Variants in SLC2A11 observed in about 807,000 individuals in gnomAD.
The protein encoded by SLC2A11 is solute carrier family 2, facilitated glucose transporter member 11.
A neutral mutation model predicts 52.1 loss-of-function variants in SLC2A11; 43 were observed. That is an observed-to-expected ratio of 0.82 (90% CI 0.65 to 1.06). The LOEUF (loss-of-function observed/expected upper bound fraction) is 1.06, where lower values mean the gene tolerates loss of function less well. SLC2A11 is among the 50% of genes least tolerant of loss of function. The pLI, the probability that SLC2A11 is intolerant of heterozygous loss-of-function variation, is 0.00. For synonymous variants in SLC2A11, 261 were observed against 277.6 expected (o/e 0.94, Z 0.59); for missense variants, 582 against 654.2 (o/e 0.89, Z 1.20).
intron 5 of SLC2A11, chr22:23,877,416 G>A (rs1443636537): frequency 3.8e-6 from 3 of 795,604 alleles, no homozygotes; most frequent in Middle Eastern, 2.2e-4. Context: ...CTTCACAGAG[G>A]AGAGGGTGAA....
upstream of SLC2A11, chr22:23,857,523 C>T (rs759570060): frequency 1.5e-5 from 25 of 1,613,284 alleles, no homozygotes; most frequent in Non-Finnish European, 1.9e-5. Flanking sequence ...CTTACGGCCT[C>T]GGACGCAGGT....
chr22:23,860,515 ATC>A (rs1259786963), intron 1 of SLC2A11, among the ~76,000 whole-genome samples: 2 of 152,062 alleles, frequency 1.3e-5, no homozygotes, highest in Non-Finnish European at 2.9e-5. Context: ...CACGTCTGTA[ATC>A]TCAGCAATTT....
Position 23,884,667 on chromosome 22 carries a change from C to T in SLC2A11, c.1318C>T (p.Leu440Phe). Residue 440 changes from leucine (L) to phenylalanine (F), a missense_variant, in exon 12 of 12, where the codon CTC becomes TTC. Leu to Phe is a conservative substitution (Grantham distance 22). Coordinates refer to ENST00000316185, the MANE Select transcript of SLC2A11 (RefSeq NM_001024939.4). This position sits in a 1 kb window ranked among gnomAD's most constrained non-coding sequence, Gnocchi z 4.3. ...PFIMEALSHF[L>F]YVPFLGVCVC... Reference sequence around the variant, plus strand: ...TCCGCAGGAGGCCTTGTCCCACTTCCTCTATGTCCCTTTCCTTGGTGTCTG... The same window carrying T: ...TCCGCAGGAGGCCTTGTCCCACTTCTTCTATGTCCCTTTCCTTGGTGTCTG... 1 of 1,613,634 alleles carries T rather than the reference C, an allele frequency of 6.2e-7. No individual in the cohort carries two copies. The highest frequency in any genetic ancestry group is 1.1e-5 in the South Asian group (1 of 91,016).
intron 3 of SLC2A11, 66 bp downstream of exon 3, chr22:23,868,707 G>A (rs778096353): frequency 3.8e-6 from 6 of 1,577,116 alleles, no homozygotes; most frequent in Non-Finnish European, 5.2e-6. Flanking sequence ...GCAGGCTGAG[G>A]AATGTGGAAG....
At chr22:23,863,116 C>T (rs963854945) in intron 2 of SLC2A11, among the ~76,000 whole-genome samples, 2 of 152,228 alleles carry the variant, frequency 1.3e-5, no homozygotes, top group Non-Finnish European at 2.9e-5. Flanking sequence ...AACCCTGATA[C>T]CAAAGCAAGT....
upstream of SLC2A11, chr22:23,857,438 A>T (rs1277945368): frequency 2.2e-5 from 36 of 1,611,776 alleles, no homozygotes; most frequent in Non-Finnish European, 2.6e-5. Context: ...CTTGGGGCTT[A>T]GCCGAGTAAG....
chr22:23,862,808 A>G (rs905041559), intron 2 of SLC2A11, among the ~76,000 whole-genome samples: 2 of 152,112 alleles, frequency 1.3e-5, no homozygotes, highest in African/African-American at 4.8e-5. Context: ...TTTTTAGTAG[A>G]GACGGGGTTT....
intron 2 of SLC2A11, chr22:23,866,687 C>T (rs75332164): frequency 6.6e-6 from 1 of 152,482 alleles, no homozygotes. Context: ...GAGGCTGAAG[C>T]AGGAGGATTG....
intron 6 of SLC2A11, chr22:23,879,471 G>C (rs186526976): frequency 7.0e-4 from 107 of 152,060 alleles, no homozygotes; most frequent in African/African-American, 2.3e-3. Flanking sequence ...TCACCTCTTT[G>C]CCTGGGCAGG....
At chr22:23,868,949 A>G (rs2032362024) in intron 3 of SLC2A11, 2 of 335,822 alleles carry the variant, frequency 6.0e-6, no homozygotes, top group Non-Finnish European at 1.1e-5. Context: ...TGCATATCTA[A>G]TGCAGTTCTT....
rs1410143545 is a variant in SLC2A11, at chr22:23,885,534, A to AT, written c.*685_*686insT. On this transcript the variant is annotated 3_prime_UTR_variant, in exon 12 of 12. Transcript: ENST00000316185. ...GGCCACATAGTAAGATCCTGTTTCT[A>AT]CCAAAAAAAAAAAAAAAAAAAATTA... 1 of 74,350 alleles carries AT rather than the reference A, an allele frequency of 1.3e-5. No homozygotes were observed. Among genetic ancestry groups the AT allele is most frequent in the Non-Finnish European group, 2.6e-5 (1 of 38,090 alleles). The allele number at this position is 74,350 out of a possible 1,614,324, so 4.6% of individuals were successfully genotyped here. A position where few individuals can be genotyped will look rare whatever the true frequency, so the allele number is the denominator to read the frequency against.
upstream of SLC2A11, chr22:23,857,742 A>G (rs1601479328): frequency 7.7e-7 from 1 of 1,297,676 alleles, no homozygotes; most frequent in East Asian, 2.5e-5. Flanking sequence ...CTCAGGCCTT[A>G]GTCCCGGCCA....
intron 8 of SLC2A11, 75 bp from the exon 9 acceptor site, chr22:23,883,697 A>G: frequency 8.1e-7 from 1 of 1,231,400 alleles, no homozygotes. Flanking sequence ...TTCTCAGGAG[A>G]CCCCTTCCCA....
rs66735200 is a variant in SLC2A11, at chr22:23,884,262, A to G, written c.1172-40A>G. 11,043 of 1,591,910 alleles carry G rather than the reference A, an allele frequency of 6.9e-3. 372 individuals carry two copies. The African/African-American group carries it at 0.081, about 12-fold the overall frequency. On this transcript the variant is annotated intron_variant, in intron 10 of 11. Coordinates refer to ENST00000316185, the MANE Select transcript of SLC2A11 (RefSeq NM_001024939.4). This position sits in a 1 kb window ranked among gnomAD's most constrained non-coding sequence, Gnocchi z 4.3. ...GGGGTCGGGGAGAGGCAGGCAGGGA[A>G]CCCTGGCCAGCAGCCCCCTGTCCCT...
chr22:23,869,123 G>A (rs1033757900), intron 3 of SLC2A11: 7 of 164,568 alleles, frequency 4.3e-5, no homozygotes, highest in African/African-American at 1.4e-4. Context: ...GCTGAGCGGG[G>A]CAGATTGCAT....
In SLC2A11 at chr22:23,877,934, C is replaced by T. The variant is rs116542207; in HGVS notation, c.694+65C>T. ...AAGGGATGCATCTCCCCAGAGTATA[C>T]GGGTCCCCATTTCATAGGTTTCATT... is the stretch of plus-strand genomic sequence containing the variant. On this transcript the variant is annotated intron_variant, in intron 6 of 11. Transcript: ENST00000316185. 6.3e-4 allele frequency: 941 copies of T among 1,497,752 alleles called. 6 individuals carry two copies. In the African/African-American group the frequency reaches 9.7e-3, roughly 16 times the overall value. The allele number at this position is 1,497,752 out of a possible 1,614,324, so 92.8% of individuals were successfully genotyped here. A position where few individuals can be genotyped will look rare whatever the true frequency, so the allele number is the denominator to read the frequency against.
At chr22:23,879,233 C>T (rs895133295) in intron 6 of SLC2A11, among the ~76,000 whole-genome samples, 5 of 152,110 alleles carry the variant, frequency 3.3e-5, no homozygotes, top group African/African-American at 1.2e-4. Context: ...TGTTGATCAG[C>T]ACGGAAGTTT....
chr22:23,857,506 A>G, upstream of SLC2A11: 1 of 1,613,368 alleles, frequency 6.2e-7, no homozygotes. Flanking sequence ...GATGAACTGG[A>G]GCCGTCCTTA....
chr22:23,874,329 G>A (rs1026683018), intron 3 of SLC2A11, among the ~76,000 whole-genome samples: 5 of 152,190 alleles, frequency 3.3e-5, no homozygotes, highest in East Asian at 1.9e-4. Flanking sequence ...CTCTGTCACC[G>A]AGGCTGGAGT....
Sources: gnomAD v4.1 joint callset for allele counts (sites outside exome capture counted in the v4.1 genomes callset) on GRCh38, gnomAD v4.1.1 for gene constraint, Gnocchi (gnomAD v3.1) non-coding constraint, MANE v1.5 for transcripts, NCBI Gene and HGNC (gene_info 2026-07-23, HGNC 2026-07-21) for gene names.